The following MYO1E variants were observed in gnomAD, a reference collection of about 807,000 sequenced individuals.
The protein encoded by MYO1E is unconventional myosin-Ie.
A neutral mutation model predicts 151.1 loss-of-function variants in MYO1E; 68 were observed. The observed-to-expected ratio is 0.45, with a 90% CI of 0.37 to 0.55. MYO1E has a LOEUF of 0.55. MYO1E is among the 20% of genes least tolerant of loss of function. The probability of loss-of-function intolerance (pLI) is 0.00; values close to 1 mark genes in which losing one functional copy is unlikely to be tolerated. For synonymous variants in MYO1E, 601 were observed against 501.7 expected (o/e 1.20, Z -2.64); for missense variants, 1,363 against 1,389.3 (o/e 0.98, Z 0.30).
At chr15:59,219,800 T>G (rs11071414) in intron 9 of MYO1E, among the ~76,000 whole-genome samples, 81,632 of 151,880 alleles carry the variant, frequency 0.54, 23,528 homozygotes, top group Non-Finnish European at 0.67. Context: ...TTCTTTTGAT[T>G]GAGCAGTTCT....
chr15:59,142,088 C>T (rs1276767771), intron 26 of MYO1E, among the ~76,000 whole-genome samples: 1 of 151,404 alleles, frequency 6.6e-6, no homozygotes, highest in African/African-American at 2.4e-5. Context: ...GCCTGGGAAA[C>T]GGAGTGAGAC....
chr15:59,147,205 C>T (rs2079446314), intron 26 of MYO1E, among the ~76,000 whole-genome samples: 1 of 152,192 alleles, frequency 6.6e-6, no homozygotes, highest in Non-Finnish European at 1.5e-5. Flanking sequence ...GACATGAAAA[C>T]TCTCTAAACT....
Position 59,256,327 on chromosome 15 carries a change from T to C in MYO1E, c.289A>G (p.Arg97Gly). Residue 97 changes from arginine to glycine, a missense_variant, in exon 4 of 28, where the codon AGA (arginine) becomes GGA (glycine). Coordinates refer to ENST00000288235, the MANE Select transcript of MYO1E (RefSeq NM_004998.4). ...TTCTCTCTGTCAATGATCATGTTTCTGTACATATTATCTGCAAGGGCATAG... is the reference window on the plus strand; with the variant it reads ...TTCTCTCTGTCAATGATCATGTTTCCGTACATATTATCTGCAAGGGCATAG... Reference protein sequence around the residue: ...HIYALADNMYRNMIIDRENQC... With the variant: ...HIYALADNMYGNMIIDRENQC... The C allele has an allele frequency of 6.2e-7, 1 of 1,613,296 alleles. No homozygotes were observed.
chr15:59,191,075 A>G (rs1333381418), intron 17 of MYO1E, among the ~76,000 whole-genome samples: 1 of 152,170 alleles, frequency 6.6e-6, no homozygotes, highest in Admixed American at 6.5e-5. Context: ...GTGGTGTTTA[A>G]GAGTCTCCAG....
chr15:59,206,801 C>T, intron 14 of MYO1E: 1 of 805,720 alleles, frequency 1.2e-6, no homozygotes. Context: ...GCCCGCGCAG[C>T]CGCAGTAGAG....
intron 1 of MYO1E, among the ~76,000 whole-genome samples, chr15:59,343,902 T>A (rs1204384422): frequency 6.6e-6 from 1 of 152,202 alleles, no homozygotes; most frequent in African/African-American, 2.4e-5. Context: ...CTGATAATAT[T>A]CTGAGTTCCT....
Position 59,226,973 on chromosome 15 carries a change from CA to C in MYO1E, c.642+485del, listed in dbSNP as rs1167237334. The stretch of plus-strand genomic sequence containing the variant: ...GGCATTAAAGATCCCAAACCTATCT[CA>C]AATCTTTCCTCCGGTAGCTCACGTT... On this transcript the variant is annotated intron_variant, in intron 7 of 27. Coordinates refer to ENST00000288235, the MANE Select transcript of MYO1E (RefSeq NM_004998.4). Among the ~76,000 whole-genome samples the C allele has an allele frequency of 6.6e-5, 10 of 152,336 alleles. No individual in the cohort carries two copies. The East Asian group carries it at 1.9e-3, about 29-fold the overall frequency.
intron 1 of MYO1E, among the ~76,000 whole-genome samples, chr15:59,316,458 T>G (rs1318339912): frequency 6.6e-6 from 1 of 152,206 alleles, no homozygotes; most frequent in East Asian, 1.9e-4. Flanking sequence ...TGGGCAGCAC[T>G]CTTTCTTCCC....
chr15:59,196,986 C>CTTTTTTTTTTTTT lies in MYO1E; in HGVS notation c.1699-1432_1699-1420dup, dbSNP rs71977305. On this transcript the variant is annotated intron_variant, in intron 16 of 27. Coordinates refer to ENST00000288235, the MANE Select transcript of MYO1E (RefSeq NM_004998.4). Reference sequence around the variant, plus strand: ...ATTTTAGTTTTGTATTTAATTACGACTTTTTTTTTTTTTTTTTTTTTTTTG... The same window carrying CTTTTTTTTTTTTT: ...ATTTTAGTTTTGTATTTAATTACGACTTTTTTTTTTTTTTTTTTTTTTTTTTTTTTTTTTTTTG... 2.1e-3 allele frequency among the ~76,000 whole-genome samples: 149 copies of CTTTTTTTTTTTTT among 71,516 alleles called. 21 individuals carry two copies. Among genetic ancestry groups the CTTTTTTTTTTTTT allele is most frequent in the Non-Finnish European group, 2.9e-3 (117 of 40,630 alleles). 46.9% of individuals were successfully genotyped at this position (71,516 alleles called of 152,430 possible).
intron 6 of MYO1E, among the ~76,000 whole-genome samples, chr15:59,231,468 G>C (rs2080027596): frequency 6.6e-6 from 1 of 152,176 alleles, no homozygotes; most frequent in Non-Finnish European, 1.5e-5. Flanking sequence ...TCCTTAGTAA[G>C]GCAACTGATG....
intron 1 of MYO1E, among the ~76,000 whole-genome samples, chr15:59,370,010 T>C (rs1354123510): frequency 6.6e-6 from 1 of 152,050 alleles, no homozygotes; most frequent in African/African-American, 2.4e-5. Context: ...AGGGTCTCAC[T>C]ATGTTACCCA....
chr15:59,195,015 G>C (rs17269566), intron 17 of MYO1E, among the ~76,000 whole-genome samples: 67,526 of 152,076 alleles, frequency 0.44, 18,608 homozygotes, highest in Non-Finnish European at 0.63. Flanking sequence ...GTCTTCACGA[G>C]GCACAGCAAA....
At chr15:59,261,122 AGAATTGTTT>A (rs1365383982) in intron 3 of MYO1E, among the ~76,000 whole-genome samples, 2 of 152,148 alleles carry the variant, frequency 1.3e-5, no homozygotes, top group African/African-American at 4.8e-5. Flanking sequence ...CTGAGGCAGG[AGAATTGTTT>A]GAACCCGGAA....
chr15:59,255,342 TC>T lies in MYO1E; in HGVS notation c.332+941del, dbSNP rs1212170022. Among the ~76,000 whole-genome samples, 23 of 152,304 alleles carry T rather than the reference TC, an allele frequency of 1.5e-4. No homozygotes were observed. The East Asian group carries it at 2.1e-3, about 14-fold the overall frequency. On this transcript the variant is annotated intron_variant, in intron 4 of 27. Coordinates refer to ENST00000288235, the MANE Select transcript of MYO1E (RefSeq NM_004998.4). The stretch of plus-strand genomic sequence containing the variant: ...CATGTTGCCCAGGCTGGTCTCAAAC[TC>T]TGCGGCTTACAGGTGTGAGCCACCC...
At chr15:59,201,796 A>G (rs567719095) in intron 16 of MYO1E, among the ~76,000 whole-genome samples, 20 of 152,326 alleles carry the variant, frequency 1.3e-4, no homozygotes, top group African/African-American at 4.8e-4. Flanking sequence ...CCTGAGAAAC[A>G]CTGTAAGATT....
chr15:59,165,594 A>C (rs1326254125), intron 22 of MYO1E, among the ~76,000 whole-genome samples: 1 of 152,238 alleles, frequency 6.6e-6, no homozygotes, highest in Non-Finnish European at 1.5e-5. Context: ...CAGCTCATGC[A>C]AAGGCAATTC....
intron 6 of MYO1E, among the ~76,000 whole-genome samples, chr15:59,229,593 A>T (rs2080013282): frequency 6.6e-6 from 1 of 152,210 alleles, no homozygotes; most frequent in Admixed American, 6.5e-5. Flanking sequence ...CTTGGTAATG[A>T]TTTATTTCCT....
intron 2 of MYO1E, among the ~76,000 whole-genome samples, chr15:59,269,007 A>G (rs1389708005): frequency 6.6e-6 from 1 of 151,908 alleles, no homozygotes; most frequent in African/African-American, 2.4e-5. Context: ...TTCCAAGAAC[A>G]TTTCAAAATA....
chr15:59,364,454 TAC>T (rs2140442947), intron 1 of MYO1E, among the ~76,000 whole-genome samples: 1 of 152,312 alleles, frequency 6.6e-6, no homozygotes, highest in South Asian at 2.1e-4. Flanking sequence ...GAAGTCTCCA[TAC>T]AGTTATGACA....
Sources: allele counts gnomAD v4.1 joint callset (sites outside exome capture counted in the v4.1 genomes callset), GRCh38; gene constraint gnomAD v4.1.1; transcripts MANE v1.5; gene names NCBI Gene and HGNC (gene_info 2026-07-23, HGNC 2026-07-21).